The following TRPM1 variants were observed in gnomAD, a reference collection of about 807,000 sequenced individuals.
TRPM1 encodes the protein transient receptor potential cation channel subfamily M member 1.
In TRPM1, 113 loss-of-function variants were observed where a neutral mutation model predicts 149.4. The ratio of observed to expected loss-of-function variants is 0.76; its 90% CI spans 0.65 to 0.88. The LOEUF (loss-of-function observed/expected upper bound fraction) is 0.88, where lower values mean the gene tolerates loss of function less well. Among genes scored for constraint, TRPM1 ranks in the 40% least tolerant of loss-of-function variants. The pLI, the probability that TRPM1 is intolerant of heterozygous loss-of-function variation, is 0.00. For missense variants in TRPM1, 1,976 were observed against 2,038.7 expected, an observed-to-expected ratio of 0.97 and a Z score of 0.59; for synonymous variants, 741 against 759.5, an observed-to-expected ratio of 0.98 and a Z score of 0.40.
At position 31,046,190 on chromosome 15, in the gene TRPM1, C is replaced by G; in HGVS notation, c.1794+14G>C. On this transcript the variant is annotated intron_variant, in intron 16 of 27. Transcript: ENST00000256552. ...CAGGATATTATAAAACTGTTGAAAACAAGTTCTACTTACTTCCATTCCCAG... is the reference window on the plus strand; with the variant it reads ...CAGGATATTATAAAACTGTTGAAAAGAAGTTCTACTTACTTCCATTCCCAG... The G allele has an allele frequency of 6.2e-7, 1 of 1,611,788 alleles. No homozygotes were observed. The highest frequency in any genetic ancestry group is 8.5e-7 in the Non-Finnish European group (1 of 1,179,306).
chr15:31,080,461 G>A (rs2034824286), intron 2 of TRPM1, among the ~76,000 whole-genome samples: 1 of 152,134 alleles, frequency 6.6e-6, no homozygotes, highest in East Asian at 1.9e-4. Context: ...TGATCTGGAG[G>A]AAGGATCATC....
intron 1 of TRPM1, among the ~76,000 whole-genome samples, chr15:31,084,811 T>A (rs1418095846): frequency 6.6e-6 from 1 of 150,454 alleles, no homozygotes; most frequent in Non-Finnish European, 1.5e-5. Context: ...TAGCTGGAAC[T>A]ACAGGCGCCC....
rs1427885318 is a variant in TRPM1, at chr15:31,031,144, A to G, written c.2966T>C (p.Leu989Pro). The G allele has an allele frequency of 1.9e-6, 3 of 1,614,098 alleles. No individual in the cohort carries two copies. Among genetic ancestry groups the G allele is most frequent in the African/African-American group, 2.7e-5 (2 of 74,942 alleles). The change falls in exon 23 of 28, where the codon CTG (leucine) becomes CCG (proline). Residue 989 changes from leucine to proline, a missense_variant. Leu to Pro is a moderately conservative substitution (Grantham distance 98). This residue lies in a region of TRPM1 where 1,332 missense variants were observed against 1,347.1 expected (regional missense o/e 0.99). Coordinates refer to ENST00000256552, the MANE Select transcript of TRPM1 (RefSeq NM_001252024.2). ...MMIGKMMIDM[L>P]YFVVIMLVVL... ...GACCAGCATGATGACCACAAAGTAC[A>G]GCATGTCGATCATCTGAGTAAGGAG...
chr15:31,143,446 C>A (rs1277805171), intron 1 of TRPM1, among the ~76,000 whole-genome samples: 2 of 152,124 alleles, frequency 1.3e-5, no homozygotes, highest in Admixed American at 1.3e-4. Flanking sequence ...CCCTCTGCTG[C>A]CCACGCTGGA....
intron 1 of TRPM1, among the ~76,000 whole-genome samples, chr15:31,113,097 C>A (rs960282146): frequency 1.3e-5 from 2 of 152,166 alleles, no homozygotes; most frequent in African/African-American, 2.4e-5. Flanking sequence ...CTGTCCAGGG[C>A]TGCTGTCTTG....
intron 1 of TRPM1, among the ~76,000 whole-genome samples, chr15:31,088,480 A>C (rs56074068): frequency 6.6e-6 from 1 of 152,170 alleles, no homozygotes; most frequent in African/African-American, 2.4e-5. Context: ...TGAAGTCAGC[A>C]AGCCCACGAA....
At chr15:31,060,680 C>T in intron 10 of TRPM1, 36 bp from the exon 11 acceptor site, 2 of 1,570,792 alleles carry the variant, frequency 1.3e-6, no homozygotes, top group East Asian at 2.2e-5. Context: ...TTTTTCACTC[C>T]ACGCCTGGAC....
At chr15:31,092,008 C>T (rs1324089860) in intron 1 of TRPM1, among the ~76,000 whole-genome samples, 3 of 151,838 alleles carry the variant, frequency 2.0e-5, no homozygotes, top group Non-Finnish European at 4.4e-5. Flanking sequence ...GGGACTCAGC[C>T]CTTCGGAGCT....
At chr15:31,105,759 A>G (rs1035362753), upstream of TRPM1, among the ~76,000 whole-genome samples, 2 of 152,158 alleles carry the variant, frequency 1.3e-5, no homozygotes, top group Non-Finnish European at 2.9e-5. Context: ...TTTTTCAAGA[A>G]CTTAAAGTTA....
chr15:31,093,260 CAAAAAAAAA>C (rs34790478), intron 1 of TRPM1, among the ~76,000 whole-genome samples: 2 of 63,190 alleles, frequency 3.2e-5, no homozygotes, highest in South Asian at 8.8e-4. Context: ...GACTTTGTCT[CAAAAAAAAA>C]AAAAAAAAAA....
chr15:31,062,765 G>A, intron 8 of TRPM1, 63 bp from the exon 9 acceptor site: 1 of 1,547,172 alleles, frequency 6.5e-7, no homozygotes, highest in African/African-American at 1.4e-5. Flanking sequence ...GAATGAGTCA[G>A]ACATATCTCT....
intron 3 of TRPM1, among the ~76,000 whole-genome samples, chr15:31,074,629 A>G (rs1273536674): frequency 1.3e-5 from 2 of 152,114 alleles, no homozygotes; most frequent in African/African-American, 4.8e-5. Flanking sequence ...AGGTTTTTAA[A>G]GAAGAGCTTT....
At chr15:31,017,102 C>T (rs971481037) in intron 27 of TRPM1, among the ~76,000 whole-genome samples, 8 of 152,056 alleles carry the variant, frequency 5.3e-5, no homozygotes, top group African/African-American at 1.4e-4. Flanking sequence ...GTCAGGAGTT[C>T]GAGACCAGCC....
chr15:31,077,354 A>T (rs2034725987), intron 2 of TRPM1, among the ~76,000 whole-genome samples: 1 of 152,160 alleles, frequency 6.6e-6, no homozygotes, highest in East Asian at 1.9e-4. Context: ...CACCTGGAGC[A>T]GAAGGAGGTG....
intron 22 of TRPM1, chr15:31,031,458 G>T (rs965902155): frequency 7.3e-5 from 35 of 477,116 alleles, no homozygotes; most frequent in African/African-American, 6.5e-4. Flanking sequence ...AATGGAGAAA[G>T]GGAAGAATTA....
chr15:31,101,387 C>G (rs1567056044), intron 1 of TRPM1, among the ~76,000 whole-genome samples: 1 of 152,194 alleles, frequency 6.6e-6, no homozygotes, highest in Admixed American at 6.5e-5. Context: ...GGAACCCAGG[C>G]TGAACACAGG....
At chr15:31,160,474 G>A (rs1201769085) in intron 1 of TRPM1, among the ~76,000 whole-genome samples, 7 of 152,196 alleles carry the variant, frequency 4.6e-5, no homozygotes, top group Admixed American at 4.6e-4. Context: ...GCCCAAGCCT[G>A]AGTCATCCCT....
chr15:31,026,438 G>A (rs2032759805), intron 26 of TRPM1, 167 bp from the exon 27 acceptor site: 5 of 831,452 alleles, frequency 6.0e-6, no homozygotes, highest in Non-Finnish European at 5.8e-6. Context: ...GTTGTCATAC[G>A]CCCCAACCCT....
At chr15:31,071,988 T>C (rs1197645453) in intron 3 of TRPM1, among the ~76,000 whole-genome samples, 29 of 57,448 alleles carry the variant, frequency 5.0e-4, no homozygotes, top group African/African-American at 1.8e-3. Context: ...AACATATATA[T>C]ATATATATAT....
Sources: allele counts gnomAD v4.1 joint callset (sites outside exome capture counted in the v4.1 genomes callset), GRCh38; gene constraint gnomAD v4.1.1; regional missense constraint gnomAD v4.1.1; transcripts MANE v1.5; gene names NCBI Gene and HGNC (gene_info 2026-07-23, HGNC 2026-07-21).